Variants in NCF2 observed in about 807,000 individuals in gnomAD.
NCF2 encodes neutrophil cytosolic factor 2, also known as neutrophil cytosol factor 2.
In NCF2, 45 loss-of-function variants were observed where a neutral mutation model predicts 70.9. The observed-to-expected ratio is 0.63, with a 90% CI of 0.50 to 0.81. The LOEUF (loss-of-function observed/expected upper bound fraction) is 0.81. Ranked by LOEUF, NCF2 falls within the 40% of genes least tolerant of loss-of-function variation. The pLI, the probability that NCF2 is intolerant of heterozygous loss-of-function variation, is 0.00. For synonymous variants in NCF2, 203 were observed against 233.6 expected (o/e 0.87, Z 1.19); for missense variants, 522 against 631.6 (o/e 0.83, Z 1.86).
the NCF2 span, among the ~76,000 whole-genome samples, chr1:183,599,423 C>CTTCTTTCCTTCTTTCTTTCT: frequency 5.0e-4 from 54 of 107,506 alleles, no homozygotes; most frequent in Non-Finnish European, 9.3e-4. Flanking sequence ...TCTTTCTTTC[C>CTTCTTTCCTTCTTTCTTTCT]TTCTTTCTTT....
intron 2 of NCF2, 99 bp from the exon 3 acceptor site, chr1:183,577,806 G>C: frequency 1.1e-6 from 1 of 883,724 alleles, no homozygotes. Context: ...CTATTTCACT[G>C]GGACAAGAAG....
At chr1:183,558,086 G>A (rs1396201186) in intron 14 of NCF2, among the ~76,000 whole-genome samples, 1 of 151,594 alleles carries the variant, frequency 6.6e-6, no homozygotes, top group Non-Finnish European at 1.5e-5. Context: ...TGTTGGCCAG[G>A]CTGGTCTCAA....
intron 5 of NCF2, among the ~76,000 whole-genome samples, chr1:183,571,468 A>G (rs557677753): frequency 6.6e-6 from 1 of 152,148 alleles, no homozygotes. Flanking sequence ...CACATTCACA[A>G]TGCTGTGCAA....
chr1:183,577,130 T>C (rs1048227931), intron 3 of NCF2, among the ~76,000 whole-genome samples: 24 of 152,230 alleles, frequency 1.6e-4, no homozygotes, highest in African/African-American at 5.3e-4. Context: ...GTAAGAACCA[T>C]GGATAGTAAA....
chr1:183,587,770 A>C (rs1673430231), intron 1 of NCF2, among the ~76,000 whole-genome samples: 1 of 152,128 alleles, frequency 6.6e-6, no homozygotes, highest in South Asian at 2.1e-4. Flanking sequence ...GACAATATGA[A>C]GCGCCTTCTT....
At chr1:183,570,872 G>C in intron 5 of NCF2, 33 bp from the exon 6 acceptor site, 1 of 1,607,438 alleles carries the variant, frequency 6.2e-7, no homozygotes, top group Non-Finnish European at 8.5e-7. Flanking sequence ...GTGAGGCTCT[G>C]CCAGCACTGT....
At chr1:183,593,075 T>C (rs1397425935), upstream of NCF2, among the ~76,000 whole-genome samples, 3 of 152,048 alleles carry the variant, frequency 2.0e-5, no homozygotes, top group African/African-American at 7.2e-5. Context: ...TGCATCTCCT[T>C]CTCCGCACCT....
chr1:183,583,481 C>T (rs960251206), intron 2 of NCF2, among the ~76,000 whole-genome samples: 1 of 152,124 alleles, frequency 6.6e-6, no homozygotes, highest in African/African-American at 2.4e-5. Context: ...GTGTTCTTGA[C>T]TTGTTTCCCC....
At chr1:183,559,714 C>T (rs1671953475) in intron 14 of NCF2, among the ~76,000 whole-genome samples, 1 of 152,116 alleles carries the variant, frequency 6.6e-6, no homozygotes, top group African/African-American at 2.4e-5. Flanking sequence ...CAAAAATTAG[C>T]TAGGCATGGT....
intron 10 of NCF2, among the ~76,000 whole-genome samples, chr1:183,564,846 T>A (rs1222572462): frequency 6.6e-6 from 1 of 152,258 alleles, no homozygotes. Flanking sequence ...CTAGATACCA[T>A]GATTCTATTG....
chr1:183,569,055 C>T, intron 7 of NCF2, 87 bp downstream of exon 7: 1 of 1,288,038 alleles, frequency 7.8e-7, no homozygotes, highest in Non-Finnish European at 1.1e-6. Context: ...GACCCTGACC[C>T]CACCTTCATC....
intron 2 of NCF2, among the ~76,000 whole-genome samples, chr1:183,579,738 CAAA>C (rs397982209): frequency 7.7e-5 from 3 of 38,868 alleles, no homozygotes; most frequent in African/African-American, 7.7e-5. Context: ...GACTCTGTCT[CAAA>C]AAAAAAAAAA....
At chr1:183,570,688 C>T (rs763616874) in intron 6 of NCF2, 92 bp downstream of exon 6, 549 of 1,354,242 alleles carry the variant, frequency 4.1e-4, no homozygotes, top group Non-Finnish European at 5.3e-4. Flanking sequence ...CCCTTACAAT[C>T]AGGCAACTCA....
Position 183,590,254 on chromosome 1 carries a change from G to T in NCF2, c.76C>A (p.Leu26Met). 6.2e-7 allele frequency: 1 copy of T among 1,614,116 alleles called. No homozygotes were observed. Among genetic ancestry groups the T allele is most frequent in the Non-Finnish European group, 8.5e-7 (1 of 1,180,008 alleles). ...AADKKDWKGA[L>M]DAFSAVQDPH... ...TCCTGGACGGCACTGAAGGCATCCA[G>T]GGCTCCCTTCCAGTCCTTCTTGTCC... The change falls in exon 1 of 15, where the codon CTG becomes ATG. Residue 26 changes from leucine (L) to methionine (M), a missense_variant. Leu to Met is a conservative substitution (Grantham distance 15). Coordinates refer to ENST00000367535, the MANE Select transcript of NCF2 (RefSeq NM_000433.4).
chr1:183,564,233 A>C (rs1672207304), intron 10 of NCF2, among the ~76,000 whole-genome samples: 2 of 152,136 alleles, frequency 1.3e-5, no homozygotes, highest in Admixed American at 6.6e-5. Context: ...ACATGAACAA[A>C]CTCAGTCTCT....
chr1:183,577,822 C>A, intron 2 of NCF2, 115 bp from the exon 3 acceptor site: 1 of 798,438 alleles, frequency 1.3e-6, no homozygotes, highest in Non-Finnish European at 2.1e-6. Flanking sequence ...AGAAGCCTTT[C>A]AGTTCCTTTT....
chr1:183,578,121 C>A (rs1672885217), intron 2 of NCF2, among the ~76,000 whole-genome samples: 1 of 152,194 alleles, frequency 6.6e-6, no homozygotes, highest in South Asian at 2.1e-4. Flanking sequence ...ATACTGCTCA[C>A]TCCTGGCTCC....
chr1:183,589,609 T>C (rs770216923), intron 1 of NCF2, among the ~76,000 whole-genome samples: 4 of 152,192 alleles, frequency 2.6e-5, no homozygotes, highest in Non-Finnish European at 5.9e-5. Context: ...CACTAGTCAA[T>C]CACAGTACAA....
At chr1:183,578,799 G>A (rs1672922373) in intron 2 of NCF2, among the ~76,000 whole-genome samples, 1 of 152,204 alleles carries the variant, frequency 6.6e-6, no homozygotes, top group Non-Finnish European at 1.5e-5. Context: ...ACATCAATAG[G>A]GCCCACAGGC....
Sources: allele counts gnomAD v4.1 joint callset (sites outside exome capture counted in the v4.1 genomes callset), GRCh38; gene constraint gnomAD v4.1.1; transcripts MANE v1.5; gene names NCBI Gene and HGNC (gene_info 2026-07-23, HGNC 2026-07-21).